BCAS3: variants seen among roughly 807,000 people sequenced by gnomAD.
BCAS3 encodes BCAS4/BCAS3 fusion.
BCAS3 carries 53 observed loss-of-function variants against 116.1 expected under a neutral mutation model. The ratio of observed to expected loss-of-function variants is 0.46; its 90% CI spans 0.37 to 0.57. BCAS3 has a LOEUF of 0.57. Ranked by LOEUF, BCAS3 falls within the 20% of genes least tolerant of loss-of-function variation. The pLI is 0.00. For synonymous variants in BCAS3, 391 were observed against 408.2 expected (o/e 0.96, Z 0.51); for missense variants, 917 against 1,165.4 (o/e 0.79, Z 3.10).
chr17:61,159,890 T>G (rs756741704), intron 22 of BCAS3, among the ~76,000 whole-genome samples: 3 of 152,224 alleles, frequency 2.0e-5, no homozygotes, highest in Non-Finnish European at 2.9e-5. Flanking sequence ...GCCTGTGTAT[T>G]CTATGCAAAA....
chr17:60,976,020 C>CGTTTTT, intron 14 of BCAS3, among the ~76,000 whole-genome samples: 2 of 98,312 alleles, frequency 2.0e-5, no homozygotes, highest in East Asian at 7.0e-4. Context: ...TAGATTTTTG[C>CGTTTTT]TTTTTTTTTT....
At position 61,023,685 on chromosome 17, in the gene BCAS3, T is replaced by C. The variant is rs2066026948; in HGVS notation, c.1637+7784T>C. On this transcript the variant is annotated intron_variant, in intron 16 of 23. Transcript: ENST00000407086. The surrounding 1 kb of genome is among the most constrained non-coding windows in gnomAD (Gnocchi z 4.8). The stretch of plus-strand genomic sequence containing the variant: ...ACTTACATAGTGTTATGGTATGTTA[T>C]AAAACATAATTCTTTCCTATCTTCT... Among the ~76,000 whole-genome samples the C allele has an allele frequency of 6.6e-6, 1 of 152,154 alleles. No individual in the cohort carries two copies. Among genetic ancestry groups the C allele is most frequent in the Non-Finnish European group, 1.5e-5 (1 of 68,002 alleles).
At chr17:60,744,250 CT>C (rs2041845929) in intron 5 of BCAS3, among the ~76,000 whole-genome samples, 1 of 152,120 alleles carries the variant, frequency 6.6e-6, no homozygotes, top group Admixed American at 6.6e-5. Flanking sequence ...TAGTATACTT[CT>C]TTTCAGGATC....
At position 60,684,045 on chromosome 17, in the gene BCAS3, C is replaced by T; in HGVS notation, c.138+9C>T. On this transcript the variant is annotated intron_variant, in intron 3 of 23. Coordinates refer to ENST00000407086, the MANE Select transcript of BCAS3 (RefSeq NM_017679.5). ...AGGATGTTGTGCCACAGGTAAGTGT[C>T]TATATGTGCTTTCGCCTTTCCCTTT... 1 of 1,612,870 alleles carries T rather than the reference C, an allele frequency of 6.2e-7. No homozygotes were observed. Among genetic ancestry groups the T allele is most frequent in the Non-Finnish European group, 8.5e-7 (1 of 1,179,130 alleles).
intron 22 of BCAS3, among the ~76,000 whole-genome samples, chr17:61,322,667 G>GT (rs568919833): frequency 1.3e-5 from 2 of 151,792 alleles, no homozygotes; most frequent in Non-Finnish European, 2.9e-5. Context: ...CCAGCCTCTT[G>GT]TTTTTTTGTC....
chr17:60,997,115 A>G (rs2063894423), intron 15 of BCAS3, among the ~76,000 whole-genome samples: 1 of 152,150 alleles, frequency 6.6e-6, no homozygotes, highest in South Asian at 2.1e-4. Context: ...AGATCTTTGC[A>G]TGTGTAGTTC....
rs1300212684 is a variant in BCAS3 at position 61,337,119 on chromosome 17, AAAC to A, written c.2426-31199_2426-31197del. 1.1e-4 allele frequency among the ~76,000 whole-genome samples: 17 copies of A among 152,156 alleles called. No homozygotes were observed. The East Asian group carries it at 1.5e-3, about 14-fold the overall frequency. ...CAGAGCAAGACTCCATCTCAAAAAA[AAAC>A]AACAACAAACTTTATCCTTTCTGAA... On this transcript the variant is annotated intron_variant, in intron 22 of 23. Coordinates refer to ENST00000407086, the MANE Select transcript of BCAS3 (RefSeq NM_017679.5). The surrounding 1 kb of genome is among the most constrained non-coding windows in gnomAD (Gnocchi z 4.8).
intron 5 of BCAS3, among the ~76,000 whole-genome samples, chr17:60,739,759 C>T (rs2041343061): frequency 6.6e-6 from 1 of 152,120 alleles, no homozygotes; most frequent in Non-Finnish European, 1.5e-5. Context: ...ACATTTCTTG[C>T]AAGGCAGGTC....
chr17:60,929,744 A>G (rs1262024815), intron 13 of BCAS3, among the ~76,000 whole-genome samples: 3 of 105,954 alleles, frequency 2.8e-5, no homozygotes, highest in African/African-American at 1.1e-4. Context: ...AACAGTCCCC[A>G]GAGTGTGATG....
At chr17:61,042,891 CAAAAA>C (rs35629825) in intron 19 of BCAS3, among the ~76,000 whole-genome samples, 1 of 58,288 alleles carries the variant, frequency 1.7e-5, no homozygotes, top group Non-Finnish European at 3.4e-5. Flanking sequence ...CTCCATCTCA[CAAAAA>C]AAAAAAAAAA....
Position 60,989,967 on chromosome 17 carries a change from C to T in BCAS3, c.1222-4C>T, listed in dbSNP as rs1363561172. ...TTTTGTATCTTTTCTTATCTCATTTCTAGGTACAGGACATCTGCTTCAGCC... is the reference window on the plus strand; with the variant it reads ...TTTTGTATCTTTTCTTATCTCATTTTTAGGTACAGGACATCTGCTTCAGCC... On this transcript the variant is annotated splice_polypyrimidine_tract_variant and splice_region_variant and intron_variant, in intron 14 of 23. Transcript: ENST00000407086. 6.2e-7 allele frequency: 1 copy of T among 1,609,344 alleles called. No individual in the cohort carries two copies. Among genetic ancestry groups the T allele is most frequent in the Non-Finnish European group, 8.5e-7 (1 of 1,176,394 alleles).
chr17:60,989,551 G>A (rs138436212), intron 14 of BCAS3, among the ~76,000 whole-genome samples: 1 of 151,072 alleles, frequency 6.6e-6, no homozygotes, highest in East Asian at 2.0e-4. Flanking sequence ...TCCAAGAGTA[G>A]AGCTGAGTAA....
intron 5 of BCAS3, among the ~76,000 whole-genome samples, chr17:60,739,883 G>T (rs185716785): frequency 0.056 from 7,962 of 143,178 alleles, 743 homozygotes; most frequent in African/African-American, 0.19. Context: ...TTTTGTTTTT[G>T]TTTTTTTTTT....
In BCAS3 at chr17:61,203,655, G is replaced by A. The variant is rs141315914; in HGVS notation, c.2425+119091G>A. Among the ~76,000 whole-genome samples, 70 of 152,298 alleles carry A rather than the reference G, an allele frequency of 4.6e-4. No homozygotes were observed. Among genetic ancestry groups the A allele is most frequent in the African/African-American group, 1.7e-3 (69 of 41,580 alleles). ...ATTTTTAAATTCGTGGAAACTTTGA[G>A]CTACATATTTTGCCTTCCGTTCATC... On this transcript the variant is annotated intron_variant, in intron 22 of 23. Coordinates refer to ENST00000407086, the MANE Select transcript of BCAS3 (RefSeq NM_017679.5). The surrounding 1 kb of genome is among the most constrained non-coding windows in gnomAD (Gnocchi z 5.7).
intron 5 of BCAS3, among the ~76,000 whole-genome samples, chr17:60,731,853 A>G (rs989210319): frequency 3.4e-5 from 5 of 147,850 alleles, no homozygotes; most frequent in African/African-American, 1.3e-4. Flanking sequence ...ATCTCGGCTC[A>G]CTGCAACCAC....
chr17:61,059,882 C>T (rs187158369), intron 19 of BCAS3, among the ~76,000 whole-genome samples: 16 of 151,912 alleles, frequency 1.1e-4, no homozygotes, highest in African/African-American at 2.7e-4. Context: ...AAAAATTAGC[C>T]GGGCGTGGTG....
intron 22 of BCAS3, among the ~76,000 whole-genome samples, chr17:61,167,696 G>A (rs765472371): frequency 1.3e-5 from 2 of 152,160 alleles, no homozygotes; most frequent in East Asian, 1.9e-4. Context: ...AGAGCTTTAC[G>A]TACATATGCT....
intron 5 of BCAS3, among the ~76,000 whole-genome samples, chr17:60,717,302 A>G (rs111242425): frequency 0.12 from 17,648 of 146,160 alleles, 3,132 homozygotes; most frequent in African/African-American, 0.39. Context: ...TGCAACCTCC[A>G]CCTCCCAGGT....
At chr17:60,930,850 A>G (rs1477617907) in intron 13 of BCAS3, among the ~76,000 whole-genome samples, 3 of 152,094 alleles carry the variant, frequency 2.0e-5, no homozygotes, top group Non-Finnish European at 4.4e-5. Context: ...CCAGGCCCAT[A>G]GCCACTTCCT....
Sources: gnomAD v4.1 joint callset for allele counts (sites outside exome capture counted in the v4.1 genomes callset) on GRCh38, gnomAD v4.1.1 for gene constraint, Gnocchi (gnomAD v3.1) non-coding constraint, MANE v1.5 for transcripts, NCBI Gene and HGNC (gene_info 2026-07-23, HGNC 2026-07-21) for gene names.